Variants in SLC14A2 observed in about 807,000 individuals in gnomAD.
The protein encoded by SLC14A2 is solute carrier family 14 member 2, also known as urea transporter 2.
In SLC14A2, 91 loss-of-function variants were observed where a neutral mutation model predicts 104.6. That is an observed-to-expected ratio of 0.87 (90% CI 0.73 to 1.04). SLC14A2 has a LOEUF of 1.04. SLC14A2 is among the 50% of genes least tolerant of loss of function. SLC14A2 has a pLI of 0.00. For missense variants in SLC14A2, 1,189 were observed against 1,156.0 expected (o/e 1.03, Z -0.41); for synonymous variants, 476 against 466.4 (o/e 1.02, Z -0.27).
At chr18:45,489,131 T>C (rs1442531344) in intron 2 of SLC14A2, among the ~76,000 whole-genome samples, 1 of 152,222 alleles carries the variant, frequency 6.6e-6, no homozygotes, top group Non-Finnish European at 1.5e-5. Flanking sequence ...TTTCTGTAAG[T>C]CCTTTCTGCA....
chr18:45,492,077 C>T (rs754619774), intron 2 of SLC14A2: 4 of 152,284 alleles, frequency 2.6e-5, no homozygotes, highest in Non-Finnish European at 5.9e-5. Context: ...GGGGTTCCAT[C>T]TCCAAAGTGA....
At chr18:45,491,518 A>G (rs927457527) in intron 2 of SLC14A2, among the ~76,000 whole-genome samples, 11 of 152,242 alleles carry the variant, frequency 7.2e-5, no homozygotes, top group Non-Finnish European at 1.5e-5. Context: ...GATAGTACCT[A>G]TAGTGTTTTA....
At chr18:45,179,941 T>C in the SLC14A2 span, 2 of 151,436 alleles carry the variant, frequency 1.3e-5, no homozygotes, top group African/African-American at 4.9e-5. Flanking sequence ...AGCCCAGGAG[T>C]TCGAGGCCAG....
intron 1 of SLC14A2, chr18:45,438,228 C>T (rs2086628077): frequency 6.6e-6 from 1 of 152,120 alleles, no homozygotes; most frequent in African/African-American, 2.4e-5. Flanking sequence ...AAATCATTCC[C>T]CTGAGAGCAG....
chr18:45,298,301 C>A (rs907753140), intron 1 of SLC14A2, among the ~76,000 whole-genome samples: 1 of 152,082 alleles, frequency 6.6e-6, no homozygotes, highest in Non-Finnish European at 1.5e-5. Flanking sequence ...GGTGTGTTGC[C>A]GTTACTTAGA....
At chr18:45,404,838 G>T (rs2086136027) in intron 1 of SLC14A2, among the ~76,000 whole-genome samples, 1 of 152,152 alleles carries the variant, frequency 6.6e-6, no homozygotes, top group Non-Finnish European at 1.5e-5. Flanking sequence ...TGTCAATCTT[G>T]TTTTCTCAGC....
intron 2 of SLC14A2, among the ~76,000 whole-genome samples, chr18:45,593,485 TC>T (rs1483512569): frequency 2.9e-5 from 3 of 105,148 alleles, no homozygotes; most frequent in African/African-American, 1.1e-4. Flanking sequence ...ATTTCCTTAA[TC>T]TTTTTTTTTT....
At chr18:45,218,084 C>A (rs1275584144) in intron 1 of SLC14A2, among the ~76,000 whole-genome samples, 1 of 152,116 alleles carries the variant, frequency 6.6e-6, no homozygotes. Flanking sequence ...GGGCATTAAG[C>A]ACATTCACAT....
Position 45,663,877 on chromosome 18 carries a change from G to C in SLC14A2, c.1444G>C (p.Glu482Gln). Residue 482 changes from glutamate (E) to glutamine (Q), a missense_variant, in exon 11 of 20, where the codon GAG (glutamate) becomes CAG (glutamine). Glu to Gln is a conservative substitution (Grantham distance 29). Transcript: ENST00000255226. ...CAAGCACAGGAGTGTATTTCACATC[G>C]AGTGGTCATCCATTCGGAGGAGGAG... ...LSKHRSVFHI[E>Q]WSSIRRRSKV... The C allele has an allele frequency of 6.2e-7, 1 of 1,613,400 alleles. No homozygotes were observed. The highest frequency in any genetic ancestry group is 8.5e-7 in the Non-Finnish European group (1 of 1,179,860).
At chr18:45,202,734 T>C in the SLC14A2 span, among the ~76,000 whole-genome samples, 2,325 of 152,238 alleles carry the variant, frequency 0.015, 107 homozygotes, top group East Asian at 0.14. Flanking sequence ...TCTTTGAACC[T>C]GCCTCTCCCA....
intron 1 of SLC14A2, among the ~76,000 whole-genome samples, chr18:45,620,579 T>C (rs2144489620): frequency 6.6e-6 from 1 of 152,264 alleles, no homozygotes; most frequent in Admixed American, 6.5e-5. Flanking sequence ...TTCTGTTGGG[T>C]GGTATAAATG....
intron 1 of SLC14A2, among the ~76,000 whole-genome samples, chr18:45,364,192 T>A (rs1165645736): frequency 6.6e-6 from 1 of 152,184 alleles, no homozygotes; most frequent in African/African-American, 2.4e-5. Context: ...TATTCCCTGC[T>A]CTAGATGGCT....
intron 1 of SLC14A2, among the ~76,000 whole-genome samples, chr18:45,341,496 A>T (rs1426102875): frequency 6.7e-6 from 1 of 148,832 alleles, no homozygotes; most frequent in Non-Finnish European, 1.5e-5. Flanking sequence ...TTCACATTCT[A>T]TTTGGTGCCA....
intron 2 of SLC14A2, among the ~76,000 whole-genome samples, chr18:45,548,630 G>A (rs1009687222): frequency 1.3e-5 from 2 of 152,196 alleles, no homozygotes; most frequent in Non-Finnish European, 2.9e-5. Context: ...CTTGAACCCA[G>A]GTGTTTGAGG....
chr18:45,404,809 G>A (rs1461773642), intron 1 of SLC14A2, among the ~76,000 whole-genome samples: 1 of 152,192 alleles, frequency 6.6e-6, no homozygotes, highest in Non-Finnish European at 1.5e-5. Flanking sequence ...TGTGGAGAAA[G>A]TACAACTGGA....
chr18:45,379,438 T>C (rs2085809771), intron 1 of SLC14A2, among the ~76,000 whole-genome samples: 1 of 152,328 alleles, frequency 6.6e-6, no homozygotes, highest in East Asian at 1.9e-4. Flanking sequence ...CATGGAACTA[T>C]TCTGCAAGCT....
intron 2 of SLC14A2, among the ~76,000 whole-genome samples, chr18:45,533,766 C>T (rs908877185): frequency 6.6e-6 from 1 of 152,040 alleles, no homozygotes; most frequent in Non-Finnish European, 1.5e-5. Flanking sequence ...GCTCTTGCTT[C>T]TCTAGTTCTT....
intron 1 of SLC14A2, among the ~76,000 whole-genome samples, chr18:45,388,125 G>A (rs919111781): frequency 7.1e-6 from 1 of 141,770 alleles, no homozygotes; most frequent in African/African-American, 2.7e-5. Context: ...GCCCAGGCTG[G>A]AGTGCAGTGG....
chr18:45,377,197 G>A (rs1287967250), intron 1 of SLC14A2, among the ~76,000 whole-genome samples: 1 of 151,748 alleles, frequency 6.6e-6, no homozygotes, highest in African/African-American at 2.4e-5. Context: ...TTAACCCTCA[G>A]CTTACATCTC....
Sources: gnomAD v4.1 joint callset for allele counts (sites outside exome capture counted in the v4.1 genomes callset) on GRCh38, gnomAD v4.1.1 for gene constraint, MANE v1.5 for transcripts, NCBI Gene and HGNC (gene_info 2026-07-23, HGNC 2026-07-21) for gene names.